The following TAF4 variants were observed in gnomAD, a reference collection of about 807,000 sequenced individuals.
The protein encoded by TAF4 is transcription initiation factor TFIID subunit 4.
A neutral mutation model predicts 90.3 loss-of-function variants in TAF4; 9 were observed. That is an observed-to-expected ratio of 0.10 (90% CI 0.06 to 0.17). TAF4 has a LOEUF of 0.17. Ranked by LOEUF, TAF4 falls within the 10% of genes least tolerant of loss-of-function variation. The pLI is 1.00. For missense variants in TAF4, 1,351 were observed against 1,370.7 expected (o/e 0.99, Z 0.23); for synonymous variants, 818 against 638.9 (o/e 1.28, Z -4.23).
At chr20:61,976,984 G>C (rs1403334702) in intron 14 of TAF4, among the ~76,000 whole-genome samples, 2 of 152,204 alleles carry the variant, frequency 1.3e-5, no homozygotes, top group Non-Finnish European at 2.9e-5. Context: ...AGCTCCTGTG[G>C]AGAGCTCTGG....
intron 14 of TAF4, among the ~76,000 whole-genome samples, chr20:61,983,419 G>A (rs1229429564): frequency 6.6e-6 from 1 of 152,180 alleles, no homozygotes; most frequent in African/African-American, 2.4e-5. Flanking sequence ...GCTTTGAAAA[G>A]GGAGGCCAAG....
chr20:62,038,769 T>C (rs892504052), intron 1 of TAF4, among the ~76,000 whole-genome samples: 1 of 152,140 alleles, frequency 6.6e-6, no homozygotes, highest in African/African-American at 2.4e-5. Context: ...TATCAAGGTA[T>C]TGGCCAGGCC....
At position 62,065,104 on chromosome 20, in the gene TAF4, G is replaced by C. The variant is rs1291077643; in HGVS notation, c.707C>G (p.Thr236Ser). The C allele has an allele frequency of 9.1e-7, 1 of 1,103,472 alleles. No homozygotes were observed. The highest frequency in any genetic ancestry group is 1.1e-6 in the Non-Finnish European group (1 of 891,966). The allele number at this position is 1,103,472 out of a possible 1,614,324, so 68.4% of individuals were successfully genotyped here. A position where few individuals can be genotyped will look rare whatever the true frequency, so the allele number is the denominator to read the frequency against. ...LPLPKPAAPG[T>S]VIQTPPFVGA... is the part of the protein sequence containing the mutation. ...CACGAAGGGGGGCGTCTGGATGACA[G>C]TGCCGGGGGCGGCGGGCTTGGGCAG... The change falls in exon 1 of 15, where the codon ACT becomes AGT. Residue 236 changes from threonine (T) to serine (S), a missense_variant. Thr to Ser is a moderately conservative substitution (Grantham distance 58). This residue lies in a region of TAF4 where 782 missense variants were observed against 536.6 expected (regional missense o/e 1.46). Coordinates refer to ENST00000252996, the MANE Select transcript of TAF4 (RefSeq NM_003185.4).
In TAF4 at chr20:62,065,221, G is replaced by C; in HGVS notation, c.590C>G (p.Thr197Ser). Residue 197 changes from threonine to serine, a missense_variant, in exon 1 of 15, where the codon ACT becomes AGT. Thr to Ser is a moderately conservative substitution (Grantham distance 58). Coordinates refer to ENST00000252996, the MANE Select transcript of TAF4 (RefSeq NM_003185.4). Reference protein sequence around the residue: ...GKPAGPGAAQTLNGSAALLNS... With the variant: ...GKPAGPGAAQSLNGSAALLNS... ...CAGCAGCGCGGCGCTCCCATTCAAA[G>C]TTTGCGCGGCGCCGGGGCCGGCGGG... 8.7e-7 allele frequency: 1 copy of C among 1,151,960 alleles called. No homozygotes were observed. The allele number at this position is 1,151,960 out of a possible 1,614,324, so 71.4% of individuals were successfully genotyped here.
chr20:61,976,088 T>A lies in TAF4; in HGVS notation c.*80A>T. The A allele has an allele frequency of 6.6e-7, 1 of 1,513,924 alleles. No homozygotes were observed. Among genetic ancestry groups the A allele is most frequent in the South Asian group, 1.2e-5 (1 of 85,996 alleles). 93.8% of individuals were successfully genotyped at this position (1,513,924 alleles called of 1,614,324 possible). On this transcript the variant is annotated 3_prime_UTR_variant, in exon 15 of 15. Coordinates refer to ENST00000252996, the MANE Select transcript of TAF4 (RefSeq NM_003185.4). Reference sequence around the variant, plus strand: ...GTTCCATTGTAAAGAGGTGGCTGTTTTTTAAACAATATCCCATTTGCTCGT... The same window carrying A: ...GTTCCATTGTAAAGAGGTGGCTGTTATTTAAACAATATCCCATTTGCTCGT...
At chr20:61,994,052 T>C (rs1295930576) in intron 14 of TAF4, among the ~76,000 whole-genome samples, 1 of 151,802 alleles carries the variant, frequency 6.6e-6, no homozygotes, top group African/African-American at 2.4e-5. Context: ...GAACTGATGA[T>C]GGGCTACAAA....
At chr20:62,054,138 G>A (rs2056047078) in intron 1 of TAF4, among the ~76,000 whole-genome samples, 1 of 152,232 alleles carries the variant, frequency 6.6e-6, no homozygotes, top group Non-Finnish European at 1.5e-5. Flanking sequence ...AAGCCCCTGT[G>A]CTTTAGTGGT....
At chr20:61,981,387 T>A (rs2123093535) in intron 14 of TAF4, 1 of 152,298 alleles carries the variant, frequency 6.6e-6, no homozygotes, top group Admixed American at 6.5e-5. Flanking sequence ...CTTAAGGATA[T>A]GAAAATCATC....
chr20:61,981,362 C>G (rs565424608), intron 14 of TAF4: 1 of 152,318 alleles, frequency 6.6e-6, no homozygotes, highest in South Asian at 2.1e-4. Flanking sequence ...ACAGGAAAAT[C>G]TGCTTAAGTG....
intron 1 of TAF4, among the ~76,000 whole-genome samples, chr20:62,026,809 G>A (rs959364649): frequency 5.3e-5 from 8 of 152,162 alleles, no homozygotes; most frequent in East Asian, 1.9e-4. Context: ...ACTCTCCCCC[G>A]GGCTCTGATT....
chr20:62,037,150 C>A (rs1184325899), intron 1 of TAF4, among the ~76,000 whole-genome samples: 1 of 151,580 alleles, frequency 6.6e-6, no homozygotes, highest in Non-Finnish European at 1.5e-5. Context: ...AAACCTGCAG[C>A]TGACATCATG....
At chr20:62,020,404 CG>C (rs1231366113) in intron 1 of TAF4, among the ~76,000 whole-genome samples, 1 of 152,248 alleles carries the variant, frequency 6.6e-6, no homozygotes, top group Non-Finnish European at 1.5e-5. Context: ...TGCCAGCCCA[CG>C]GGGACACAAG....
At chr20:62,062,612 C>T (rs1030830992) in intron 1 of TAF4, among the ~76,000 whole-genome samples, 2 of 152,208 alleles carry the variant, frequency 1.3e-5, no homozygotes, top group Non-Finnish European at 2.9e-5. Context: ...GAATCACGCA[C>T]AGTCAACACT....
rs746930605 is a variant in TAF4 at position 62,010,829 on chromosome 20, T to C, written c.1642-664A>G. The stretch of plus-strand genomic sequence containing the variant: ...AAATGAACAGCCAGACGCCAAAAGG[T>C]AGCTCAGACAACTCAGTGGCCTGTA... On this transcript the variant is annotated intron_variant, in intron 3 of 14. Coordinates refer to ENST00000252996, the MANE Select transcript of TAF4 (RefSeq NM_003185.4). This position sits in a 1 kb window ranked among gnomAD's most constrained non-coding sequence, Gnocchi z 4.5. Among the ~76,000 whole-genome samples, 12 of 152,202 alleles carry C rather than the reference T, an allele frequency of 7.9e-5. No homozygotes were observed. The highest frequency in any genetic ancestry group is 1.3e-4 in the Non-Finnish European group (9 of 68,038).
chr20:62,004,332 T>C (rs1296412743), intron 7 of TAF4, among the ~76,000 whole-genome samples: 1 of 144,102 alleles, frequency 6.9e-6, no homozygotes, highest in Admixed American at 6.9e-5. Flanking sequence ...TCTTTTCTTT[T>C]TTTTTTTTTT....
At chr20:61,977,501 G>A (rs568283710) in intron 14 of TAF4, among the ~76,000 whole-genome samples, 15 of 152,074 alleles carry the variant, frequency 9.9e-5, no homozygotes, top group Admixed American at 3.3e-4. Flanking sequence ...CCCTCATGCC[G>A]TCCTTCCTCC....
intron 3 of TAF4, among the ~76,000 whole-genome samples, chr20:62,011,780 C>T (rs910990753): frequency 1.3e-5 from 2 of 152,226 alleles, no homozygotes; most frequent in African/African-American, 2.4e-5. Context: ...CTCTGCAGAG[C>T]GTCCAGGCCC....
In TAF4 at chr20:62,065,571, C is replaced by G; in HGVS notation, c.240G>C (p.Glu80Asp). ...AAGAGPAAPA[E>D]GAPGAAPEPP... ...GCTCCGGCGCCGCTCCGGGCGCGCC[C>G]TCGGCGGGGGCGGCCGGCCCTGCGC... The change falls in exon 1 of 15, where the codon GAG becomes GAC. Residue 80 changes from glutamate to aspartate, a missense_variant. Glu to Asp is a conservative substitution (Grantham distance 45). Coordinates refer to ENST00000252996, the MANE Select transcript of TAF4 (RefSeq NM_003185.4). 3.1e-6 allele frequency: 3 copies of G among 977,474 alleles called. No individual in the cohort carries two copies. The highest frequency in any genetic ancestry group is 3.6e-6 in the Non-Finnish European group (3 of 827,140). 60.6% of individuals were successfully genotyped at this position (977,474 alleles called of 1,614,324 possible). A position where few individuals can be genotyped will look rare whatever the true frequency, so the allele number is the denominator to read the frequency against.
intron 9 of TAF4, among the ~76,000 whole-genome samples, chr20:62,001,719 G>A (rs1018130377): frequency 2.6e-5 from 4 of 152,144 alleles, no homozygotes; most frequent in African/African-American, 9.7e-5. Flanking sequence ...TCCAGCTGAA[G>A]GACCCGGCCA....
Sources: gnomAD v4.1 joint callset for allele counts (sites outside exome capture counted in the v4.1 genomes callset) on GRCh38, gnomAD v4.1.1 for gene constraint, gnomAD v4.1.1 regional missense constraint, Gnocchi (gnomAD v3.1) non-coding constraint, MANE v1.5 for transcripts, NCBI Gene and HGNC (gene_info 2026-07-23, HGNC 2026-07-21) for gene names.